KCNIP4: variants seen among roughly 807,000 people sequenced by gnomAD.
The protein encoded by KCNIP4 is Kv channel-interacting protein 4.
Under a neutral mutation model 34.0 loss-of-function variants are expected in KCNIP4, and 12 were observed. The observed-to-expected ratio is 0.35, with a 90% confidence interval of 0.23 to 0.57. The LOEUF is 0.57. Among genes scored for constraint, KCNIP4 ranks in the 20% least tolerant of loss-of-function variants. KCNIP4 has a pLI of 0.83. For synonymous variants in KCNIP4, 124 were observed against 102.2 expected, an observed-to-expected ratio of 1.21 and a Z score of -1.29; for missense variants, 238 against 311.7, an observed-to-expected ratio of 0.76 and a Z score of 1.78.
intron 1 of KCNIP4, among the ~76,000 whole-genome samples, chr4:20,958,918 A>G (rs1021056708): frequency 1.3e-5 from 2 of 152,208 alleles, no homozygotes; most frequent in African/African-American, 4.8e-5. Context: ...AAAAATTGAC[A>G]TTGCTGAGAC....
intron 1 of KCNIP4, among the ~76,000 whole-genome samples, chr4:21,776,479 C>T (rs1719188745): frequency 6.6e-6 from 1 of 152,118 alleles, no homozygotes. Context: ...GGTGAACAGG[C>T]CTGGGTATCA....
At chr4:21,797,471 G>T (rs928325164) in intron 1 of KCNIP4, among the ~76,000 whole-genome samples, 1 of 149,562 alleles carries the variant, frequency 6.7e-6, no homozygotes, top group African/African-American at 2.5e-5. Flanking sequence ...AAAAACATCA[G>T]TTTTTTTTTT....
intron 1 of KCNIP4, among the ~76,000 whole-genome samples, chr4:21,779,028 G>A (rs970852647): frequency 9.2e-5 from 14 of 151,980 alleles, no homozygotes; most frequent in African/African-American, 3.4e-4. Context: ...GAGAGAGAGA[G>A]AGAGAGAAGA....
chr4:21,260,173 G>C (rs1761377398), intron 1 of KCNIP4, among the ~76,000 whole-genome samples: 1 of 142,538 alleles, frequency 7.0e-6, no homozygotes, highest in Admixed American at 6.9e-5. Flanking sequence ...ATTTAGGAAA[G>C]AGTCTCTGGC....
At chr4:21,264,800 T>A (rs766333661) in intron 1 of KCNIP4, among the ~76,000 whole-genome samples, 1 of 152,000 alleles carries the variant, frequency 6.6e-6, no homozygotes, top group African/African-American at 2.4e-5. Context: ...GATGTAACAT[T>A]TAAAGCGGGT....
intron 3 of KCNIP4, among the ~76,000 whole-genome samples, chr4:20,846,731 G>A (rs1720432716): frequency 6.6e-6 from 1 of 152,084 alleles, no homozygotes; most frequent in African/African-American, 2.4e-5. Flanking sequence ...CTAGTCATTG[G>A]TATTTGTCAT....
chr4:21,808,940 C>T lies in KCNIP4; in HGVS notation c.61+139631G>A, dbSNP rs372019742. Reference sequence around the variant, plus strand: ...AGAATTCCTGACACACCATGCCAGGCTTCACAGCTCAAAGATTTCAAAAAA... The same window carrying T: ...AGAATTCCTGACACACCATGCCAGGTTTCACAGCTCAAAGATTTCAAAAAA... On this transcript the variant is annotated intron_variant, in intron 1 of 8. Coordinates refer to ENST00000382152, the MANE Select transcript of KCNIP4 (RefSeq NM_025221.6). Among the ~76,000 whole-genome samples the T allele has an allele frequency of 2.6e-5, 4 of 152,242 alleles. No homozygotes were observed. In the South Asian group the frequency reaches 8.3e-4, roughly 32 times the overall value.
intron 1 of KCNIP4, among the ~76,000 whole-genome samples, chr4:21,472,379 C>T (rs764266337): frequency 3.3e-5 from 5 of 151,914 alleles, no homozygotes; most frequent in Admixed American, 3.3e-4. Context: ...TCCAGTCCCC[C>T]CAGAGTGCTC....
chr4:21,725,426 G>A (rs955796388), intron 1 of KCNIP4, among the ~76,000 whole-genome samples: 1 of 152,084 alleles, frequency 6.6e-6, no homozygotes, highest in Admixed American at 6.6e-5. Flanking sequence ...GGTTACAAAG[G>A]CAGCAAAACG....
intron 1 of KCNIP4, among the ~76,000 whole-genome samples, chr4:21,515,785 T>G (rs1734709496): frequency 6.6e-6 from 1 of 152,172 alleles, no homozygotes; most frequent in East Asian, 1.9e-4. Flanking sequence ...TTGCCTTCTC[T>G]CTCTCTTTTG....
At chr4:21,364,854 T>G (rs542203120) in intron 1 of KCNIP4, among the ~76,000 whole-genome samples, 15 of 152,164 alleles carry the variant, frequency 9.9e-5, no homozygotes, top group Non-Finnish European at 2.2e-4. Context: ...GCAACTATCT[T>G]AGAAGAAAAA....
At chr4:21,748,229 T>G (rs1716906693) in intron 1 of KCNIP4, among the ~76,000 whole-genome samples, 1 of 152,162 alleles carries the variant, frequency 6.6e-6, no homozygotes, top group African/African-American at 2.4e-5. Context: ...AAGGGTGTGG[T>G]GGAAACAGCA....
intron 1 of KCNIP4, among the ~76,000 whole-genome samples, chr4:20,923,195 A>G (rs1400571131): frequency 2.0e-5 from 3 of 152,214 alleles, no homozygotes; most frequent in Non-Finnish European, 4.4e-5. Flanking sequence ...TTTCACAGTC[A>G]CAAGTTGTAT....
At chr4:20,829,125 A>T (rs552174907) in intron 3 of KCNIP4, among the ~76,000 whole-genome samples, 1 of 152,280 alleles carries the variant, frequency 6.6e-6, no homozygotes, top group East Asian at 1.9e-4. Context: ...TCTTTAAACC[A>T]TTGTGAAGTG....
intron 1 of KCNIP4, among the ~76,000 whole-genome samples, chr4:21,438,759 A>C (rs1444174592): frequency 1.3e-5 from 2 of 152,242 alleles, no homozygotes. Context: ...ATGCTCATTT[A>C]AATGTTCATT....
At chr4:21,389,123 C>T (rs143927038) in intron 1 of KCNIP4, among the ~76,000 whole-genome samples, 41 of 151,964 alleles carry the variant, frequency 2.7e-4, no homozygotes, top group African/African-American at 9.6e-4. Context: ...GAAGCTGGGA[C>T]TATAGGTGTG....
intron 3 of KCNIP4, among the ~76,000 whole-genome samples, chr4:20,833,227 T>C (rs952043146): frequency 6.6e-6 from 1 of 152,256 alleles, no homozygotes; most frequent in African/African-American, 2.4e-5. Flanking sequence ...ATTAATAATA[T>C]ACCTCATTTG....
At chr4:21,055,978 G>A (rs1419232302) in intron 1 of KCNIP4, among the ~76,000 whole-genome samples, 2 of 152,100 alleles carry the variant, frequency 1.3e-5, no homozygotes, top group African/African-American at 2.4e-5. Flanking sequence ...GGTTCATCAA[G>A]TGCAACAAAT....
At chr4:21,907,923 T>C (rs1038931417) in intron 1 of KCNIP4, among the ~76,000 whole-genome samples, 1 of 152,134 alleles carries the variant, frequency 6.6e-6, no homozygotes, top group Non-Finnish European at 1.5e-5. Context: ...AAATTGTATC[T>C]GGTATACAGT....
Sources: gnomAD v4.1 joint callset for allele counts (sites outside exome capture counted in the v4.1 genomes callset) on GRCh38, gnomAD v4.1.1 for gene constraint, MANE v1.5 for transcripts, NCBI Gene and HGNC (gene_info 2026-07-23, HGNC 2026-07-21) for gene names.